Variants in DPP6 observed in about 807,000 individuals in gnomAD.
DPP6 encodes the protein dipeptidyl peptidase like 6.
Under a neutral mutation model 122.6 loss-of-function variants are expected in DPP6, and 69 were observed. That is an observed-to-expected ratio of 0.56 (90% CI 0.46 to 0.69). The LOEUF (loss-of-function observed/expected upper bound fraction) is 0.69, where lower values mean the gene tolerates loss of function less well. Among genes scored for constraint, DPP6 ranks in the 30% least tolerant of loss-of-function variants. The probability of loss-of-function intolerance (pLI) is 0.00; values close to 1 mark genes in which losing one functional copy is unlikely to be tolerated. For synonymous variants in DPP6, 418 were observed against 433.1 expected, an observed-to-expected ratio of 0.97 and a Z score of 0.43; for missense variants, 928 against 1,116.9, an observed-to-expected ratio of 0.83 and a Z score of 2.41.
chr7:153,947,208 G>A (rs1164059159), intron 1 of DPP6, among the ~76,000 whole-genome samples: 1 of 152,162 alleles, frequency 6.6e-6, no homozygotes, highest in African/African-American at 2.4e-5. Flanking sequence ...ATCACTTACT[G>A]CATTCCTTTC....
At chr7:154,706,857 G>A (rs955023250) in intron 7 of DPP6, among the ~76,000 whole-genome samples, 5 of 152,214 alleles carry the variant, frequency 3.3e-5, no homozygotes, top group African/African-American at 4.8e-5. Context: ...GAAAAGGAAG[G>A]TTTTCCTTTA....
At chr7:154,477,557 G>C (rs1034532911) in intron 3 of DPP6, among the ~76,000 whole-genome samples, 33 of 151,836 alleles carry the variant, frequency 2.2e-4, no homozygotes, top group Non-Finnish European at 4.6e-4. Flanking sequence ...ATGTAGAGAT[G>C]TGGAGACACA....
chr7:154,497,339 G>T (rs575126920), intron 3 of DPP6, among the ~76,000 whole-genome samples: 2 of 152,324 alleles, frequency 1.3e-5, no homozygotes, highest in Admixed American at 1.3e-4. Flanking sequence ...TGGGCATGGT[G>T]GCTCATGCCT....
intron 5 of DPP6, among the ~76,000 whole-genome samples, chr7:154,579,430 TGAG>T (rs954814468): frequency 5.3e-4 from 81 of 152,372 alleles, no homozygotes; most frequent in African/African-American, 1.9e-3. Context: ...CGAAAATTCA[TGAG>T]GAGATTCGGT....
At chr7:154,696,240 C>A (rs536734089) in intron 7 of DPP6, among the ~76,000 whole-genome samples, 1 of 152,276 alleles carries the variant, frequency 6.6e-6, no homozygotes, top group East Asian at 1.9e-4. Flanking sequence ...CACAGCCACC[C>A]GGGCCCCTGG....
At chr7:154,088,940 T>C (rs1422458047) in intron 1 of DPP6, among the ~76,000 whole-genome samples, 1 of 152,184 alleles carries the variant, frequency 6.6e-6, no homozygotes, top group African/African-American at 2.4e-5. Flanking sequence ...TGGCTCCGGC[T>C]GGAGTGTCAG....
intron 1 of DPP6, chr7:154,095,579 G>A (rs1206759525): frequency 1.6e-5 from 2 of 128,800 alleles, no homozygotes; most frequent in Non-Finnish European, 3.4e-5. Flanking sequence ...GGAAGCTTTA[G>A]CAGCTGGGCC....
chr7:154,305,335 T>TTGGGCG, intron 1 of DPP6: 1 of 1,024,758 alleles, frequency 9.8e-7, no homozygotes, highest in Non-Finnish European at 1.2e-6. Flanking sequence ...TCGTCTTGTC[T>TTGGGCG]ACCCACCCTC....
chr7:154,690,373 A>G (rs897920065), intron 7 of DPP6, among the ~76,000 whole-genome samples: 7 of 152,128 alleles, frequency 4.6e-5, no homozygotes, highest in African/African-American at 1.7e-4. Context: ...GGTGAGTGGT[A>G]AGGAGTCTTT....
At chr7:154,840,132 G>A (rs1434737995) in intron 16 of DPP6, among the ~76,000 whole-genome samples, 1 of 152,192 alleles carries the variant, frequency 6.6e-6, no homozygotes, top group African/African-American at 2.4e-5. Flanking sequence ...TGTATCACAG[G>A]TAGCGCCCAC....
the DPP6 span, among the ~76,000 whole-genome samples, chr7:153,847,119 A>T: frequency 9.2e-5 from 14 of 152,328 alleles, no homozygotes; most frequent in South Asian, 1.0e-3. Flanking sequence ...GTGATTTTTT[A>T]AAAAATTCAG....
intron 1 of DPP6, among the ~76,000 whole-genome samples, chr7:154,133,558 G>A (rs1397603673): frequency 6.6e-6 from 1 of 152,162 alleles, no homozygotes; most frequent in East Asian, 1.9e-4. Context: ...ACTGCTGGGA[G>A]AATACAGGAA....
chr7:154,393,650 A>C (rs1318074523), intron 1 of DPP6, among the ~76,000 whole-genome samples: 1 of 152,040 alleles, frequency 6.6e-6, no homozygotes, highest in East Asian at 1.9e-4. Flanking sequence ...AAATATATAT[A>C]ACATAAAATT....
chr7:153,774,608 T>G, the DPP6 span, among the ~76,000 whole-genome samples: 312 of 152,256 alleles, frequency 2.0e-3, no homozygotes, highest in African/African-American at 7.3e-3. Flanking sequence ...GAATAGTTAA[T>G]ATTCTTCCAA....
chr7:154,533,052 T>TC (rs1416893177), intron 3 of DPP6, among the ~76,000 whole-genome samples: 2 of 152,288 alleles, frequency 1.3e-5, no homozygotes, highest in Non-Finnish European at 2.9e-5. Flanking sequence ...CTTGCTAAGT[T>TC]CCCCATTTAT....
intron 3 of DPP6, among the ~76,000 whole-genome samples, chr7:154,488,157 T>C (rs1823955425): frequency 6.6e-6 from 1 of 152,096 alleles, no homozygotes; most frequent in African/African-American, 2.4e-5. Context: ...GCCAGGCTCT[T>C]TATTGTAACT....
chr7:154,461,067 T>C (rs889602019), intron 2 of DPP6, among the ~76,000 whole-genome samples: 1 of 151,674 alleles, frequency 6.6e-6, no homozygotes, highest in Non-Finnish European at 1.5e-5. Flanking sequence ...AATTGTTTAA[T>C]TTTTGGCTCC....
chr7:154,207,706 G>C (rs1799520444), intron 1 of DPP6, among the ~76,000 whole-genome samples: 1 of 152,248 alleles, frequency 6.6e-6, no homozygotes, highest in South Asian at 2.1e-4. Context: ...ATATCTGGAA[G>C]AGATCTTCCA....
chr7:154,733,386 C>A (rs1410320529), intron 8 of DPP6, among the ~76,000 whole-genome samples: 1 of 152,250 alleles, frequency 6.6e-6, no homozygotes, highest in African/African-American at 2.4e-5. Flanking sequence ...GACCATTACC[C>A]TCCATCTGTG....
Sources: gnomAD v4.1 joint callset for allele counts (sites outside exome capture counted in the v4.1 genomes callset) on GRCh38, gnomAD v4.1.1 for gene constraint, MANE v1.5 for transcripts, NCBI Gene and HGNC (gene_info 2026-07-23, HGNC 2026-07-21) for gene names.